The following ZDHHC9 variants were observed in gnomAD, a reference collection of about 807,000 sequenced individuals.
ZDHHC9 encodes palmitoyltransferase ZDHHC9.
ZDHHC9 carries 3 observed loss-of-function variants against 26.6 expected under a neutral mutation model. That is an observed-to-expected ratio of 0.11 (90% confidence interval 0.05 to 0.29). ZDHHC9 has a LOEUF of 0.29. Ranked by LOEUF, ZDHHC9 falls within the 10% of genes least tolerant of loss-of-function variation. The probability of loss-of-function intolerance (pLI) is 1.00; values close to 1 mark genes in which losing one functional copy is unlikely to be tolerated. For missense variants in ZDHHC9, 146 were observed against 296.4 expected (o/e 0.49, Z 3.73); for synonymous variants, 111 against 109.4 (o/e 1.01, Z -0.09).
At position 129,805,970 on chromosome X, in the gene ZDHHC9, C is replaced by T. The variant is rs965083649; in HGVS notation, c.*400G>A. The T allele has an allele frequency of 1.5e-5, 3 of 202,407 alleles. No individual in the cohort carries two copies. The highest frequency in any genetic ancestry group is 2.7e-5 in the Non-Finnish European group (3 of 109,726). The allele number at this position is 202,407 out of a possible 1,213,427, so 16.7% of individuals were successfully genotyped here. A position where few individuals can be genotyped will look rare whatever the true frequency, so the allele number is the denominator to read the frequency against. On this transcript the variant is annotated 3_prime_UTR_variant, in exon 11 of 11. Coordinates refer to ENST00000357166, the MANE Select transcript of ZDHHC9 (RefSeq NM_016032.4). ...AGAGGTCTCTGTGACTGCCTCTGGA[C>T]TCAGCACGTGCAGCAGCTTGGGAGG...
chrX:129,808,861 C>T (rs968295980), intron 10 of ZDHHC9, among the ~76,000 whole-genome samples: 1 of 112,003 alleles, frequency 8.9e-6, no homozygotes, highest in Non-Finnish European at 1.9e-5. Flanking sequence ...ACTCTTACAA[C>T]TCAACAATAA....
intron 3 of ZDHHC9, among the ~76,000 whole-genome samples, chrX:129,836,213 T>C (rs1211494416): frequency 1.8e-5 from 2 of 112,337 alleles, no homozygotes; most frequent in Non-Finnish European, 3.8e-5. Flanking sequence ...GTTCATATTA[T>C]CAGGTCTGCT....
At chrX:129,840,296 G>A (rs187875533) in intron 3 of ZDHHC9, among the ~76,000 whole-genome samples, 1 of 109,637 alleles carries the variant, frequency 9.1e-6, no homozygotes, top group East Asian at 2.9e-4. Context: ...AGGTGGGGGT[G>A]GGGACAAAAA....
rs1324018062 is a variant in ZDHHC9, at chrX:129,810,244, A to G, written c.978+661T>C. 3.7e-5 allele frequency among the ~76,000 whole-genome samples: 4 copies of G among 106,763 alleles called. No homozygotes were observed. The East Asian group carries it at 1.2e-3, about 32-fold the overall frequency. 92.7% of individuals were successfully genotyped at this position (106,763 alleles called of 115,157 possible). A position where few individuals can be genotyped will look rare whatever the true frequency, so the allele number is the denominator to read the frequency against. ...GGCGCCTGTAATCCCAGCTACTCGG[A>G]GGCTGAGGCAGAGAATTGCTTGAAC... On this transcript the variant is annotated intron_variant, in intron 10 of 10. Coordinates refer to ENST00000357166, the MANE Select transcript of ZDHHC9 (RefSeq NM_016032.4).
At chrX:129,843,472 C>T (rs1928432097) in intron 1 of ZDHHC9, 146 bp from the exon 2 acceptor site, 1 of 112,132 alleles carries the variant, frequency 8.9e-6, no homozygotes, top group Non-Finnish European at 1.9e-5. Context: ...CGGACCACCG[C>T]CCCAGGCAGG....
intron 3 of ZDHHC9, among the ~76,000 whole-genome samples, chrX:129,830,457 C>G (rs1378767876): frequency 8.9e-6 from 1 of 112,334 alleles, no homozygotes; most frequent in Non-Finnish European, 1.9e-5. Flanking sequence ...GATTCTGTAT[C>G]TCCCAGAGCT....
intron 5 of ZDHHC9, among the ~76,000 whole-genome samples, chrX:129,817,558 A>G (rs934308817): frequency 1.8e-5 from 2 of 111,648 alleles, no homozygotes; most frequent in African/African-American, 6.5e-5. Flanking sequence ...ATGTGGAACC[A>G]TCACCATTAT....
chrX:129,824,718 A>G (rs1927972660), intron 4 of ZDHHC9, among the ~76,000 whole-genome samples: 1 of 112,404 alleles, frequency 8.9e-6, no homozygotes. Context: ...TCCTTTTAAT[A>G]GTGAAAAACT....
rs752507178 is a variant in ZDHHC9, at chrX:129,841,937, C to T, written c.9G>A (p.Val3=). 5.0e-6 allele frequency: 6 copies of T among 1,211,658 alleles called. No individual in the cohort carries two copies. Among genetic ancestry groups the T allele is most frequent in the Non-Finnish European group, 6.7e-6 (6 of 895,467 alleles). MS[V]MVVRKKVTRK... ...GTGTCACCTTCTTTCTCACCACCAT[C>T]ACAGACATGATTGGAATTCCTGCTC... The change falls in exon 3 of 11, where the codon GTG becomes GTA. Residue 3 remains valine, a synonymous_variant. Transcript: ENST00000357166.
At chrX:129,836,655 C>G (rs1207537206) in intron 3 of ZDHHC9, among the ~76,000 whole-genome samples, 4 of 112,148 alleles carry the variant, frequency 3.6e-5, no homozygotes, top group Non-Finnish European at 7.5e-5. Flanking sequence ...TGATTTTTCT[C>G]CAAGCCATCC....
rs1336851118 is a variant in ZDHHC9 at position 129,814,925 on chromosome X, T to G, written c.488-130A>C. 2.3e-5 allele frequency: 17 copies of G among 753,503 alleles called. No homozygotes were observed. In the Admixed American group the frequency reaches 6.2e-4, roughly 28 times the overall value. 62.1% of individuals were successfully genotyped at this position (753,503 alleles called of 1,213,427 possible). Reference sequence around the variant, plus strand: ...TTCAGTTGTAAAAAATATAGGGTTTTTTTTTTTTTTTACTTTTTCAAAATG... The same window carrying G: ...TTCAGTTGTAAAAAATATAGGGTTTGTTTTTTTTTTTACTTTTTCAAAATG... On this transcript the variant is annotated intron_variant, in intron 5 of 10. Coordinates refer to ENST00000357166, the MANE Select transcript of ZDHHC9 (RefSeq NM_016032.4).
At chrX:129,825,109 T>A (rs1412305951) in intron 4 of ZDHHC9, among the ~76,000 whole-genome samples, 2 of 110,557 alleles carry the variant, frequency 1.8e-5, no homozygotes, top group Non-Finnish European at 3.8e-5. Flanking sequence ...TTGAGACCAG[T>A]CTGGCCAACA....
intron 10 of ZDHHC9, among the ~76,000 whole-genome samples, chrX:129,807,987 T>A (rs890357653): frequency 1.8e-5 from 2 of 112,126 alleles, no homozygotes; most frequent in Non-Finnish European, 3.8e-5. Flanking sequence ...TGAAAAATAA[T>A]CAAATATTTA....
intron 5 of ZDHHC9, among the ~76,000 whole-genome samples, chrX:129,821,105 A>T (rs1927872971): frequency 8.9e-6 from 1 of 111,819 alleles, no homozygotes; most frequent in Admixed American, 9.5e-5. Flanking sequence ...ATCTCATGCC[A>T]GTCAGAATGG....
At chrX:129,826,526 C>T (rs1408119435) in intron 4 of ZDHHC9, among the ~76,000 whole-genome samples, 1 of 111,889 alleles carries the variant, frequency 8.9e-6, no homozygotes, top group Non-Finnish European at 1.9e-5. Flanking sequence ...AAAGAGCTAA[C>T]TTTGTTAACA....
At chrX:129,837,633 T>C (rs1386308597) in intron 3 of ZDHHC9, among the ~76,000 whole-genome samples, 1 of 112,295 alleles carries the variant, frequency 8.9e-6, no homozygotes, top group African/African-American at 3.2e-5. Flanking sequence ...TGACAGAACC[T>C]GGTCTGACAG....
chrX:129,813,477 G>GT (rs1363410799), intron 7 of ZDHHC9, among the ~76,000 whole-genome samples, 200 bp downstream of exon 7: 2 of 112,462 alleles, frequency 1.8e-5, no homozygotes, highest in Non-Finnish European at 3.8e-5. Context: ...TGAGCAGGGG[G>GT]TGAAGGAAAG....
At chrX:129,830,202 A>T (rs1256055847) in intron 3 of ZDHHC9, among the ~76,000 whole-genome samples, 1 of 111,599 alleles carries the variant, frequency 9.0e-6, no homozygotes, top group East Asian at 2.8e-4. Flanking sequence ...GGACTTCCTA[A>T]GAGCAAGGAC....
intron 3 of ZDHHC9, among the ~76,000 whole-genome samples, chrX:129,829,845 C>G (rs990183836): frequency 1.8e-5 from 2 of 111,699 alleles, no homozygotes; most frequent in African/African-American, 6.5e-5. Flanking sequence ...ATTTCTCTTC[C>G]TCTCTGAATA....
Sources: gnomAD v4.1 joint callset for allele counts (sites outside exome capture counted in the v4.1 genomes callset) on GRCh38, gnomAD v4.1.1 for gene constraint, MANE v1.5 for transcripts, NCBI Gene and HGNC (gene_info 2026-07-23, HGNC 2026-07-21) for gene names.